The following CPNE5 variants were observed in gnomAD, a reference collection of about 807,000 sequenced individuals.
The protein encoded by CPNE5 is copine 5.
CPNE5 carries 42 observed loss-of-function variants against 81.1 expected under a neutral mutation model. The ratio of observed to expected loss-of-function variants is 0.52; its 90% CI spans 0.40 to 0.67. CPNE5 has a LOEUF of 0.67. Ranked by LOEUF, CPNE5 falls within the 30% of genes least tolerant of loss-of-function variation. The probability of loss-of-function intolerance (pLI) is 0.00; values close to 1 mark genes in which losing one functional copy is unlikely to be tolerated. For synonymous variants in CPNE5, 313 were observed against 321.5 expected, an observed-to-expected ratio of 0.97 and a Z score of 0.28; for missense variants, 612 against 815.5, an observed-to-expected ratio of 0.75 and a Z score of 3.04.
intron 3 of CPNE5, among the ~76,000 whole-genome samples, chr6:36,803,346 C>A (rs894786084): frequency 2.6e-5 from 4 of 152,120 alleles, no homozygotes; most frequent in Non-Finnish European, 5.9e-5. Context: ...CTCCTGTGTG[C>A]GCCCATCATC....
chr6:36,757,061 G>T (rs1288549664), intron 12 of CPNE5, among the ~76,000 whole-genome samples: 1 of 152,140 alleles, frequency 6.6e-6, no homozygotes, highest in Admixed American at 6.5e-5. Flanking sequence ...GCCTCCCACG[G>T]CAGGGAGTGA....
intron 6 of CPNE5, 142 bp downstream of exon 6, chr6:36,798,023 G>A: frequency 4.6e-6 from 3 of 648,842 alleles, no homozygotes; most frequent in East Asian, 2.7e-5. Context: ...TGAGAGCAGT[G>A]AGGCATGGGG....
intron 11 of CPNE5, among the ~76,000 whole-genome samples, chr6:36,764,078 C>G (rs1224790709): frequency 9.8e-6 from 1 of 102,072 alleles, no homozygotes; most frequent in Non-Finnish European, 2.2e-5. Context: ...CCCTGGGGCC[C>G]CACCCCCCCA....
intron 8 of CPNE5, among the ~76,000 whole-genome samples, chr6:36,780,347 C>T (rs755303870): frequency 3.3e-5 from 5 of 152,150 alleles, no homozygotes; most frequent in East Asian, 3.9e-4. Flanking sequence ...GAGAAGAAGA[C>T]GTAGCTCCCA....
chr6:36,820,335 CTTTTTTTTTTTTTTT>C (rs1163633243), intron 3 of CPNE5, among the ~76,000 whole-genome samples: 20 of 92,410 alleles, frequency 2.2e-4, no homozygotes, highest in Non-Finnish European at 4.1e-4. Context: ...CTAATCCATT[CTTTTTTTTTTTTTTT>C]TTTTTTTTTG....
chr6:36,823,395 G>A (rs1020538549), intron 1 of CPNE5, among the ~76,000 whole-genome samples: 1 of 152,118 alleles, frequency 6.6e-6, no homozygotes, highest in African/African-American at 2.4e-5. Flanking sequence ...ACTCACCATC[G>A]GGGGATTTCC....
intron 16 of CPNE5, 78 bp from the exon 17 acceptor site, chr6:36,745,593 T>C: frequency 6.8e-7 from 1 of 1,461,752 alleles, no homozygotes. Context: ...TGAGTCCAGG[T>C]GGGGAGGCCA....
At chr6:36,765,482 C>G in intron 10 of CPNE5, 106 bp from the exon 11 acceptor site, 1 of 1,366,324 alleles carries the variant, frequency 7.3e-7, no homozygotes, top group Non-Finnish European at 1.0e-6. Context: ...CCAGGACTCC[C>G]TCTGGGCCCC....
intron 12 of CPNE5, among the ~76,000 whole-genome samples, chr6:36,759,945 A>G (rs189749924): frequency 2.0e-5 from 3 of 151,866 alleles, no homozygotes; most frequent in Admixed American, 6.6e-5. Flanking sequence ...GGTGGCTCAC[A>G]CCTGAAATCC....
chr6:36,837,530 C>A (rs1773624209), intron 1 of CPNE5, among the ~76,000 whole-genome samples: 1 of 152,176 alleles, frequency 6.6e-6, no homozygotes, highest in Admixed American at 6.5e-5. Context: ...ATGACGTCTG[C>A]ACACCTGAGA....
chr6:36,788,491 A>G (rs981830358), intron 8 of CPNE5, among the ~76,000 whole-genome samples: 3 of 152,186 alleles, frequency 2.0e-5, no homozygotes, highest in African/African-American at 7.2e-5. Flanking sequence ...CTAGAATCCC[A>G]GCAATCTTAG....
chr6:36,772,796 C>G (rs1197803889), intron 10 of CPNE5, among the ~76,000 whole-genome samples: 1 of 152,222 alleles, frequency 6.6e-6, no homozygotes, highest in African/African-American at 2.4e-5. Flanking sequence ...TTTCAGGCTC[C>G]CAGCTGCCCC....
intron 12 of CPNE5, among the ~76,000 whole-genome samples, chr6:36,762,304 GCACACACACA>G (rs60481458): frequency 1.4e-5 from 2 of 146,518 alleles, no homozygotes; most frequent in Admixed American, 1.4e-4. Context: ...ACACATACAT[GCACACACACA>G]CACACACGCA....
rs776720017 is a variant in CPNE5 at position 36,743,696 on chromosome 6, A to G, written c.1556T>C (p.Ile519Thr). The stretch of plus-strand genomic sequence containing the variant: ...GCAAGGCCTGGGCTTCACCTGGACG[A>G]TGTCGCGTTCAGCCAGCTTCCCCCG... The part of the protein sequence containing the change: ...SSRGKLAERD[I>T]VQFVPFRDYV... The change falls in exon 20 of 21, where the codon ATC (isoleucine) becomes ACC (threonine). Residue 519 changes from isoleucine to threonine, a missense_variant. By Grantham distance (89) the Ile-to-Thr change is moderately conservative. Transcript: ENST00000244751. 6.2e-7 allele frequency: 1 copy of G among 1,613,544 alleles called. No homozygotes were observed. Among genetic ancestry groups the G allele is most frequent in the Non-Finnish European group, 8.5e-7 (1 of 1,179,962 alleles).
intron 1 of CPNE5, among the ~76,000 whole-genome samples, chr6:36,837,577 C>T (rs1283153469): frequency 6.6e-6 from 1 of 152,088 alleles, no homozygotes; most frequent in Non-Finnish European, 1.5e-5. Flanking sequence ...TGTGAGTGAC[C>T]CTGTGGCCCA....
At chr6:36,743,359 C>T (rs890911656) in intron 20 of CPNE5, 1 of 525,150 alleles carries the variant, frequency 1.9e-6, no homozygotes, top group Non-Finnish European at 2.4e-6. Flanking sequence ...AAGACACTGC[C>T]TCAGCCTTCA....
chr6:36,784,191 T>C lies in CPNE5; in HGVS notation c.529-5234A>G, dbSNP rs192974249. On this transcript the variant is annotated intron_variant, in intron 8 of 20. Transcript: ENST00000244751. ...GCTGGGGGGTTGGCAGCTGATTTTG[T>C]TCCTTAGCCTTATCTGCCCTCCCTA... Among the ~76,000 whole-genome samples the C allele has an allele frequency of 1.4e-4, 21 of 152,354 alleles. No individual in the cohort carries two copies. The East Asian group carries it at 4.0e-3, about 29-fold the overall frequency.
At chr6:36,806,906 T>A (rs533770007) in intron 3 of CPNE5, among the ~76,000 whole-genome samples, 1 of 152,238 alleles carries the variant, frequency 6.6e-6, no homozygotes, top group African/African-American at 2.4e-5. Flanking sequence ...TCAGGGGCCA[T>A]GGCCCCCCAA....
intron 14 of CPNE5, among the ~76,000 whole-genome samples, chr6:36,751,970 G>C (rs1764888163): frequency 6.6e-6 from 1 of 152,072 alleles, no homozygotes; most frequent in Non-Finnish European, 1.5e-5. Flanking sequence ...AGTCAGCCCA[G>C]AGGAGGGGCA....
Sources: gnomAD v4.1 joint callset for allele counts (sites outside exome capture counted in the v4.1 genomes callset) on GRCh38, gnomAD v4.1.1 for gene constraint, MANE v1.5 for transcripts, NCBI Gene and HGNC (gene_info 2026-07-23, HGNC 2026-07-21) for gene names.